FER1L5: variants seen among roughly 807,000 people sequenced by gnomAD.
FER1L5 encodes fer-1-like protein 5.
In FER1L5, 187 loss-of-function variants were observed where a neutral mutation model predicts 279.9. That is an observed-to-expected ratio of 0.67 (90% CI 0.59 to 0.75). The LOEUF (loss-of-function observed/expected upper bound fraction) is 0.75. Ranked by LOEUF, FER1L5 falls within the 30% of genes least tolerant of loss-of-function variation. The pLI is 0.00. For missense variants in FER1L5, 2,091 were observed against 2,594.4 expected, an observed-to-expected ratio of 0.81 and a Z score of 4.21; for synonymous variants, 921 against 989.7, an observed-to-expected ratio of 0.93 and a Z score of 1.30.
intron 2 of FER1L5, among the ~76,000 whole-genome samples, chr2:96,646,676 G>A (rs974695426): frequency 3.9e-5 from 6 of 152,116 alleles, no homozygotes; most frequent in African/African-American, 7.2e-5. Flanking sequence ...CCCCCACTCC[G>A]AGGATGGACC....
intron 9 of FER1L5, among the ~76,000 whole-genome samples, chr2:96,659,384 T>TCTTTCTTTCTTTC (rs2075798766): frequency 9.7e-5 from 1 of 10,336 alleles, no homozygotes; most frequent in Non-Finnish European, 1.5e-4. Flanking sequence ...TTTCTTTCTT[T>TCTTTCTTTCTTTC]CTTTCTTTCT....
intron 19 of FER1L5, among the ~76,000 whole-genome samples, chr2:96,678,763 T>C (rs1238150747): frequency 6.6e-6 from 1 of 152,208 alleles, no homozygotes; most frequent in Non-Finnish European, 1.5e-5. Flanking sequence ...TAACCATTCA[T>C]TTATCTTCTT....
chr2:96,689,435 C>G lies in FER1L5; in HGVS notation c.2525+59C>G, dbSNP rs189295413. On this transcript the variant is annotated intron_variant, in intron 25 of 52. Coordinates refer to ENST00000624922, the MANE Select transcript of FER1L5 (RefSeq NM_001293083.2). The surrounding 1 kb of genome is among the most constrained non-coding windows in gnomAD (Gnocchi z 4.6). ...GACACTTCACCTGGGAGGGCCAGTCCGCGGCAGCCCAGAAAGATGGGTACC... is the reference window on the plus strand; with the variant it reads ...GACACTTCACCTGGGAGGGCCAGTCGGCGGCAGCCCAGAAAGATGGGTACC... 6.5e-7 allele frequency: 1 copy of G among 1,534,644 alleles called. No individual in the cohort carries two copies. The highest frequency in any genetic ancestry group is 8.8e-7 in the Non-Finnish European group (1 of 1,142,300).
chr2:96,685,458 C>T, intron 21 of FER1L5, 29 bp downstream of exon 21: 1 of 1,533,288 alleles, frequency 6.5e-7, no homozygotes, highest in Non-Finnish European at 8.8e-7. Context: ...CGGGATACAG[C>T]TGGCCTGGAG....
At chr2:96,683,570 G>C (rs944284936) in intron 19 of FER1L5, among the ~76,000 whole-genome samples, 1 of 150,892 alleles carries the variant, frequency 6.6e-6, no homozygotes, top group East Asian at 1.9e-4. Context: ...GCCTTTCCGG[G>C]GGGGACACAG....
intron 4 of FER1L5, among the ~76,000 whole-genome samples, chr2:96,649,041 G>C (rs957981531): frequency 6.6e-6 from 1 of 151,864 alleles, no homozygotes; most frequent in African/African-American, 2.4e-5. Context: ...CACACGGTGG[G>C]GGGGTGGGGT....
chr2:96,696,886 C>T (rs1166936024), intron 37 of FER1L5, among the ~76,000 whole-genome samples: 2 of 152,158 alleles, frequency 1.3e-5, no homozygotes, highest in East Asian at 1.9e-4. Flanking sequence ...GCCTAGGCAA[C>T]AGAGTGAGAC....
chr2:96,689,641 C>T lies in FER1L5; in HGVS notation c.2526-3C>T. The T allele has an allele frequency of 3.9e-6, 6 of 1,550,848 alleles. No homozygotes were observed. The highest frequency in any genetic ancestry group is 5.2e-6 in the Non-Finnish European group (6 of 1,146,652). Reference sequence around the variant, plus strand: ...TGGGAACTTGGGGTCTCATTACCCCCAGGCTCCTCCTGGACATAGACATCA... The same window carrying T: ...TGGGAACTTGGGGTCTCATTACCCCTAGGCTCCTCCTGGACATAGACATCA... On this transcript the variant is annotated splice_region_variant and splice_polypyrimidine_tract_variant and intron_variant, in intron 25 of 52. Coordinates refer to ENST00000624922, the MANE Select transcript of FER1L5 (RefSeq NM_001293083.2). This position sits in a 1 kb window ranked among gnomAD's most constrained non-coding sequence, Gnocchi z 4.6.
At chr2:96,663,330 C>T in intron 13 of FER1L5, 109 bp from the exon 14 acceptor site, 2 of 1,015,258 alleles carry the variant, frequency 2.0e-6, no homozygotes, top group Middle Eastern at 2.2e-4. Context: ...GCCCAAGCAC[C>T]TCTGTGCTGT....
chr2:96,651,291 CTTTCTTT>C (rs2075364839), intron 6 of FER1L5, among the ~76,000 whole-genome samples: 1 of 135,378 alleles, frequency 7.4e-6, no homozygotes, highest in African/African-American at 2.8e-5. Flanking sequence ...TTCTTTCTTT[CTTTCTTT>C]CTTCTTTCCT....
intron 9 of FER1L5, among the ~76,000 whole-genome samples, chr2:96,659,392 T>TCTTTCTTTCTTTCTTTC: frequency 1.2e-4 from 1 of 8,338 alleles, no homozygotes; most frequent in East Asian, 6.0e-3. Flanking sequence ...TTTCTTTCTT[T>TCTTTCTTTCTTTCTTTC]CTTTCTTTCT....
At chr2:96,656,948 T>C (rs1322242856) in intron 9 of FER1L5, among the ~76,000 whole-genome samples, 1 of 151,934 alleles carries the variant, frequency 6.6e-6, no homozygotes, top group Admixed American at 6.6e-5. Context: ...AGGCACAGAA[T>C]GTCTGCTGGT....
intron 51 of FER1L5, 77 bp downstream of exon 51, chr2:96,703,709 C>A: frequency 7.6e-7 from 1 of 1,311,722 alleles, no homozygotes; most frequent in Non-Finnish European, 1.1e-6. Context: ...GTGGGCCTAT[C>A]ATGGAGAGGT....
chr2:96,646,306 G>T, intron 1 of FER1L5, 95 bp from the exon 2 acceptor site: 3 of 1,401,514 alleles, frequency 2.1e-6, no homozygotes, highest in Non-Finnish European at 2.9e-6. Flanking sequence ...CCGACTTGAA[G>T]TTTTCTTAGA....
At chr2:96,676,976 G>A (rs1340189583) in intron 19 of FER1L5, among the ~76,000 whole-genome samples, 2 of 152,084 alleles carry the variant, frequency 1.3e-5, no homozygotes, top group African/African-American at 4.8e-5. Context: ...CCAGTAGCTG[G>A]GATTACAGGA....
In FER1L5 at chr2:96,702,154, GAA is replaced by G; in HGVS notation, c.5159+112_5159+113del. 3.2e-6 allele frequency: 5 copies of G among 1,569,018 alleles called. No individual in the cohort carries two copies. Among genetic ancestry groups the G allele is most frequent in the Non-Finnish European group, 4.3e-6 (5 of 1,153,352 alleles). ...CTGCAGTAATTCGTTTCTCTATTGG[GAA>G]GAGAGGAAGCTCTACTGGGAGCTTT... is the stretch of plus-strand genomic sequence containing the variant. On this transcript the variant is annotated intron_variant, in intron 46 of 52. Transcript: ENST00000624922. The surrounding 1 kb of genome is among the most constrained non-coding windows in gnomAD (Gnocchi z 4.0).
intron 36 of FER1L5, 67 bp downstream of exon 36, chr2:96,695,971 C>T (rs1476134246): frequency 6.2e-7 from 1 of 1,604,058 alleles, no homozygotes. Flanking sequence ...GTGGGGCAGG[C>T]CCTGCTACCC....
Position 96,693,943 on chromosome 2 carries a change from G to A in FER1L5, c.3507G>A (p.Trp1169Ter). 1 of 1,551,396 alleles carries A rather than the reference G, an allele frequency of 6.4e-7. No homozygotes were observed. Among genetic ancestry groups the A allele is most frequent in the Non-Finnish European group, 8.7e-7 (1 of 1,146,880 alleles). ...GKESLWGRSV[W>*]PPMVWLDLQD... ...AGAGCTTGTGGGGACGGAGCGTGTGGCCCCCAATGGTCTGGCTGGATCTCC... is the reference window on the plus strand; with the variant it reads ...AGAGCTTGTGGGGACGGAGCGTGTGACCCCCAATGGTCTGGCTGGATCTCC... Residue 1169 changes from tryptophan to a stop codon, truncating the protein, a stop_gained, in exon 33 of 53, where the codon TGG (tryptophan) becomes TGA (stop). Coordinates refer to ENST00000624922, the MANE Select transcript of FER1L5 (RefSeq NM_001293083.2). LOFTEE classifies it high-confidence loss of function.
At chr2:96,661,957 C>T (rs566169445) in intron 12 of FER1L5, among the ~76,000 whole-genome samples, 166 bp downstream of exon 12, 1 of 152,226 alleles carries the variant, frequency 6.6e-6, no homozygotes, top group East Asian at 1.9e-4. Context: ...GTGGAGGTGC[C>T]ATGGACACCC....
Sources: gnomAD v4.1 joint callset for allele counts (sites outside exome capture counted in the v4.1 genomes callset) on GRCh38, gnomAD v4.1.1 for gene constraint, Gnocchi (gnomAD v3.1) non-coding constraint, MANE v1.5 for transcripts, NCBI Gene and HGNC (gene_info 2026-07-23, HGNC 2026-07-21) for gene names.